C19orf81: variants seen among roughly 807,000 people sequenced by gnomAD.
C19orf81 encodes chromosome 19 open reading frame 81.
A neutral mutation model predicts 22.1 loss-of-function variants in C19orf81; 19 were observed. The ratio of observed to expected loss-of-function variants is 0.86; its 90% CI spans 0.60 to 1.26. The LOEUF is 1.26. C19orf81 is among the 50% of genes most tolerant of loss of function. C19orf81 has a pLI of 0.00. For missense variants in C19orf81, 287 were observed against 280.7 expected, an observed-to-expected ratio of 1.02 and a Z score of -0.16; for synonymous variants, 108 against 113.1, an observed-to-expected ratio of 0.95 and a Z score of 0.29.
intron 3 of C19orf81, 27 bp downstream of exon 3, chr19:50,656,373 T>C (rs888949338): frequency 6.6e-7 from 1 of 1,521,192 alleles, no homozygotes. Context: ...CCTTATTTTC[T>C]GCACAGTTTT....
intron 4 of C19orf81, chr19:50,658,408 A>G (rs751541888): frequency 2.5e-6 from 1 of 403,044 alleles, no homozygotes; most frequent in Non-Finnish European, 4.5e-6. Flanking sequence ...AGGAGGGACT[A>G]GATAAGAGCG....
chr19:50,656,272 C>G lies in C19orf81; in HGVS notation c.187C>G (p.Arg63Gly). 6.5e-7 allele frequency: 1 copy of G among 1,536,144 alleles called. No individual in the cohort carries two copies. The highest frequency in any genetic ancestry group is 8.7e-7 in the Non-Finnish European group (1 of 1,146,918). ...QVIAEYEALD[R>G]ELPCIRKFPT... The stretch of plus-strand genomic sequence containing the variant: ...CATTGCAGAGTACGAGGCACTGGAC[C>G]GAGAACTCCCGTGCATCCGGAAGTT... Residue 63 changes from arginine (R) to glycine (G), a missense_variant, in exon 3 of 5, where the codon CGA becomes GGA. Physicochemically the swap from Arg to Gly is moderately radical, Grantham distance 125. Coordinates refer to ENST00000425202, the MANE Select transcript of C19orf81 (RefSeq NM_001195076.2).
In C19orf81 at chr19:50,649,540, G is replaced by T. The variant is rs772855223; in HGVS notation, c.67+29G>T. ...CTGAGCTGTGTCTTTGGGGGAAGGG[G>T]TGGACTTCCTCCATCCAGGCAGTGC... On this transcript the variant is annotated intron_variant, in intron 1 of 4. Coordinates refer to ENST00000425202, the MANE Select transcript of C19orf81 (RefSeq NM_001195076.2). 3 of 1,533,024 alleles carry T rather than the reference G, an allele frequency of 2.0e-6. No homozygotes were observed. The African/African-American group carries it at 4.1e-5, about 21-fold the overall frequency. 95.0% of individuals were successfully genotyped at this position (1,533,024 alleles called of 1,614,324 possible).
Position 50,659,031 on chromosome 19 carries a change from C to G in C19orf81, c.486C>G (p.Ile162Met), listed in dbSNP as rs563701623. 54 of 1,529,450 alleles carry G rather than the reference C, an allele frequency of 3.5e-5. No individual in the cohort carries two copies. The African/African-American group carries it at 7.2e-4, about 20-fold the overall frequency. 94.7% of individuals were successfully genotyped at this position (1,529,450 alleles called of 1,614,324 possible). Reference protein sequence around the residue: ...GLSPRGLAHQIVRHDDLLLGD... With the variant: ...GLSPRGLAHQMVRHDDLLLGD... ...GTCCCCGCGGGCTTGCGCACCAGAT[C>G]GTGCGCCACGACGACCTCCTGCTGG... is the stretch of plus-strand genomic sequence containing the variant. Residue 162 changes from isoleucine to methionine, a missense_variant, in exon 5 of 5, where the codon ATC becomes ATG. Physicochemically the swap from Ile to Met is conservative, Grantham distance 10. Transcript: ENST00000425202.
chr19:50,656,392 G>A (rs1276799334), intron 3 of C19orf81, 46 bp downstream of exon 3: 4 of 1,505,692 alleles, frequency 2.7e-6, no homozygotes, highest in Non-Finnish European at 3.5e-6. Context: ...TTGGTGGGGT[G>A]ATGGGAAGGG....
intron 4 of C19orf81, 117 bp downstream of exon 4, chr19:50,658,245 T>C: frequency 9.1e-7 from 1 of 1,095,112 alleles, no homozygotes; most frequent in Non-Finnish European, 1.3e-6. Context: ...AGTGAAAGCA[T>C]GAATGGGCGG....
At chr19:50,658,520 G>T in intron 4 of C19orf81, 2 of 265,264 alleles carry the variant, frequency 7.5e-6, no homozygotes, top group Admixed American at 4.9e-5. Flanking sequence ...GTGAGTAGGG[G>T]CCCGAGTTTG....
rs1985033452 is a variant in C19orf81 at position 50,657,980 on chromosome 19, C to T, written c.262-9C>T. 6.6e-7 allele frequency: 1 copy of T among 1,519,848 alleles called. No individual in the cohort carries two copies. Among genetic ancestry groups the T allele is most frequent in the Non-Finnish European group, 8.8e-7 (1 of 1,139,024 alleles). The allele number at this position is 1,519,848 out of a possible 1,614,324, so 94.1% of individuals were successfully genotyped here. A position where few individuals can be genotyped will look rare whatever the true frequency, so the allele number is the denominator to read the frequency against. ...CCACGGGCTGAGGTTCTCTCTCCGA[C>T]ACCCGCAGCCCGAGGAGGATTTTAC... On this transcript the variant is annotated splice_polypyrimidine_tract_variant and intron_variant, in intron 3 of 4. Transcript: ENST00000425202.
chr19:50,649,910 G>A (rs1407321585), intron 1 of C19orf81: 4 of 450,066 alleles, frequency 8.9e-6, no homozygotes, highest in Non-Finnish European at 1.8e-5. Flanking sequence ...AGTCACTGGT[G>A]CCATCCTTCC....
chr19:50,657,447 G>C (rs779022205), intron 3 of C19orf81, among the ~76,000 whole-genome samples: 5 of 152,160 alleles, frequency 3.3e-5, no homozygotes, highest in African/African-American at 1.2e-4. Flanking sequence ...TATCACCCTT[G>C]ACATGCTAAT....
Position 50,659,248 on chromosome 19 carries a change from G to T in C19orf81, c.*106G>T. 1 of 995,808 alleles carries T rather than the reference G, an allele frequency of 1.0e-6. No homozygotes were observed. The highest frequency in any genetic ancestry group is 1.3e-6 in the Non-Finnish European group (1 of 763,920). 61.7% of individuals were successfully genotyped at this position (995,808 alleles called of 1,614,324 possible). ...CGTTGCCTTCCCAGGAAGGAGGCGG[G>T]GCCGGCTCGAGGGGGTGGATACTGT... On this transcript the variant is annotated 3_prime_UTR_variant, in exon 5 of 5. Coordinates refer to ENST00000425202, the MANE Select transcript of C19orf81 (RefSeq NM_001195076.2).
intron 4 of C19orf81, 114 bp downstream of exon 4, chr19:50,658,242 G>A: frequency 8.9e-7 from 1 of 1,125,178 alleles, no homozygotes; most frequent in South Asian, 1.6e-5. Context: ...AAGAGTGAAA[G>A]CATGAATGGG....
chr19:50,653,700 A>G (rs963446954), intron 1 of C19orf81, among the ~76,000 whole-genome samples: 21 of 137,622 alleles, frequency 1.5e-4, no homozygotes, highest in African/African-American at 6.4e-4. Context: ...ACACACACAC[A>G]CACACACACA....
At chr19:50,650,652 TGG>T (rs1984857952) in intron 1 of C19orf81, among the ~76,000 whole-genome samples, 1 of 152,108 alleles carries the variant, frequency 6.6e-6, no homozygotes, top group Non-Finnish European at 1.5e-5. Context: ...GCCTGGGTGA[TGG>T]AGGGAGACTC....
At chr19:50,652,534 C>T (rs1434662003) in intron 1 of C19orf81, among the ~76,000 whole-genome samples, 4 of 152,280 alleles carry the variant, frequency 2.6e-5, no homozygotes, top group South Asian at 2.1e-4. Context: ...AGAGTTACAG[C>T]ATTGGCCAAG....
chr19:50,649,656 C>T (rs1984836596), intron 1 of C19orf81, 145 bp downstream of exon 1: 8 of 940,628 alleles, frequency 8.5e-6, no homozygotes, highest in Non-Finnish European at 1.2e-5. Context: ...TCACCAGATT[C>T]CTGGAGAGCG....
intron 1 of C19orf81, among the ~76,000 whole-genome samples, chr19:50,654,535 G>C (rs111342763): frequency 3.3e-5 from 5 of 151,778 alleles, no homozygotes; most frequent in Non-Finnish European, 5.9e-5. Context: ...CTGACCTCGT[G>C]ATCTGCCCGC....
At chr19:50,656,376 A>T in intron 3 of C19orf81, 30 bp downstream of exon 3, 5 of 1,520,794 alleles carry the variant, frequency 3.3e-6, no homozygotes, top group Non-Finnish European at 2.6e-6. Flanking sequence ...TATTTTCTGC[A>T]CAGTTTTGGT....
chr19:50,658,484 A>C, intron 4 of C19orf81: 1 of 279,040 alleles, frequency 3.6e-6, no homozygotes, highest in Admixed American at 4.9e-5. Context: ...AGGTCCGGTG[A>C]GATCAGAGAG....
Sources: allele counts gnomAD v4.1 joint callset (sites outside exome capture counted in the v4.1 genomes callset), GRCh38; gene constraint gnomAD v4.1.1; transcripts MANE v1.5; gene names NCBI Gene and HGNC (gene_info 2026-07-23, HGNC 2026-07-21).